The following SPATC1 variants were observed in gnomAD, a reference collection of about 807,000 sequenced individuals.
The protein encoded by SPATC1 is spermatogenesis and centriole associated 1, also known as speriolin.
Under a neutral mutation model 36.5 loss-of-function variants are expected in SPATC1, and 35 were observed. The observed-to-expected ratio is 0.96, with a 90% CI of 0.73 to 1.27. The LOEUF is 1.27. Among genes scored for constraint, SPATC1 ranks in the 50% most tolerant of loss-of-function variants. The pLI is 0.00. For missense variants in SPATC1, 779 were observed against 796.0 expected, an observed-to-expected ratio of 0.98 and a Z score of 0.26; for synonymous variants, 361 against 353.6, an observed-to-expected ratio of 1.02 and a Z score of -0.24.
At chr8:144,028,640 T>G (rs1009320925) in intron 1 of SPATC1, among the ~76,000 whole-genome samples, 327 of 152,242 alleles carry the variant, frequency 2.1e-3, no homozygotes, top group African/African-American at 7.7e-3. Context: ...TGGAAGGGAG[T>G]GTGGCAATTC....
intron 1 of SPATC1, among the ~76,000 whole-genome samples, chr8:144,017,251 G>A (rs889311897): frequency 5.9e-5 from 9 of 152,292 alleles, no homozygotes; most frequent in African/African-American, 1.9e-4. Context: ...ATCTTTCTCT[G>A]GCCACTTCCT....
chr8:144,041,953 T>C, intron 4 of SPATC1: 2 of 985,296 alleles, frequency 2.0e-6, no homozygotes, highest in East Asian at 2.3e-4. Flanking sequence ...GTTAGTTTTG[T>C]GTGTGTGGGA....
chr8:144,025,919 C>T (rs1243705904), intron 1 of SPATC1, among the ~76,000 whole-genome samples: 1 of 152,174 alleles, frequency 6.6e-6, no homozygotes, highest in Non-Finnish European at 1.5e-5. Flanking sequence ...TTTTAAATGA[C>T]AGCTTCACTG....
Position 144,033,438 on chromosome 8 carries a change from A to G in SPATC1, c.212-6471A>G, listed in dbSNP as rs914778955. ...GAAAGAAAGAAAAGTTAAAATGCCT[A>G]TGTTTTCCTCCCAAAATTTAGTAGC... On this transcript the variant is annotated intron_variant, in intron 1 of 4. Coordinates refer to ENST00000377470, the MANE Select transcript of SPATC1 (RefSeq NM_198572.3). Among the ~76,000 whole-genome samples, 4 of 152,160 alleles carry G rather than the reference A, an allele frequency of 2.6e-5. No individual in the cohort carries two copies. The East Asian group carries it at 7.7e-4, about 29-fold the overall frequency.
intron 1 of SPATC1, among the ~76,000 whole-genome samples, chr8:144,036,196 G>A (rs992311914): frequency 1.3e-5 from 2 of 152,150 alleles, no homozygotes; most frequent in Non-Finnish European, 2.9e-5. Flanking sequence ...GATTGCTTGA[G>A]GAGTTTGAGA....
At chr8:144,038,599 C>T (rs1303803570) in intron 1 of SPATC1, among the ~76,000 whole-genome samples, 2 of 151,682 alleles carry the variant, frequency 1.3e-5, no homozygotes, top group Non-Finnish European at 2.9e-5. Context: ...CTCAGCCTCC[C>T]GAGTAGCTGG....
intron 1 of SPATC1, among the ~76,000 whole-genome samples, chr8:144,030,347 G>GTGTA (rs1199255905): frequency 0.01 from 1,575 of 151,844 alleles, 4 homozygotes; most frequent in Non-Finnish European, 0.016. Context: ...CCACATTGCT[G>GTGTA]TGTATGTATG....
At chr8:144,024,778 GA>G (rs1834639478) in intron 1 of SPATC1, among the ~76,000 whole-genome samples, 1 of 101,846 alleles carries the variant, frequency 9.8e-6, no homozygotes, top group Non-Finnish European at 2.1e-5. Flanking sequence ...CTCCCCTCAA[GA>G]CCTACCCTCT....
At chr8:144,015,363 C>T (rs922986269) in intron 1 of SPATC1, among the ~76,000 whole-genome samples, 1 of 150,980 alleles carries the variant, frequency 6.6e-6, no homozygotes, top group African/African-American at 2.4e-5. Flanking sequence ...GGGAGCAGTA[C>T]TGTAAAAAGA....
At position 144,045,119 on chromosome 8, in the gene SPATC1, G is replaced by A. The variant is rs1428585198; in HGVS notation, c.1447-1508G>A. Among the ~76,000 whole-genome samples the A allele has an allele frequency of 2.6e-5, 4 of 152,226 alleles. No homozygotes were observed. Among genetic ancestry groups the A allele is most frequent in the Admixed American group, 2.0e-4 (3 of 15,286 alleles). On this transcript the variant is annotated intron_variant, in intron 4 of 4. Transcript: ENST00000377470. This position sits in a 1 kb window ranked among gnomAD's most constrained non-coding sequence, Gnocchi z 5.2. ...TGTGATTTCCTTCCCATCCCAGCAG[G>A]GAAACTGAGGCTCAGTCCCAGTGTG...
intron 1 of SPATC1, among the ~76,000 whole-genome samples, chr8:144,014,603 G>A (rs1391355431): frequency 2.0e-5 from 3 of 152,090 alleles, no homozygotes; most frequent in Non-Finnish European, 4.4e-5. Flanking sequence ...GGGAATCCTT[G>A]GACCACTTCA....
chr8:144,037,942 A>G (rs554725209), intron 1 of SPATC1, among the ~76,000 whole-genome samples: 1 of 152,068 alleles, frequency 6.6e-6, no homozygotes, highest in African/African-American at 2.4e-5. Flanking sequence ...ATCCTGGCTA[A>G]CACGGTGAAA....
chr8:144,036,361 G>A (rs1261548665), intron 1 of SPATC1, among the ~76,000 whole-genome samples: 3 of 152,164 alleles, frequency 2.0e-5, no homozygotes, highest in African/African-American at 7.2e-5. Flanking sequence ...ATCTCATGCC[G>A]TCACTCAGAC....
At position 144,041,959 on chromosome 8, in the gene SPATC1, T is replaced by G. The variant is rs896109787; in HGVS notation, c.1446+588T>G. 14 of 985,192 alleles carry G rather than the reference T, an allele frequency of 1.4e-5. No individual in the cohort carries two copies. The African/African-American group carries it at 1.9e-4, about 14-fold the overall frequency. 61.0% of individuals were successfully genotyped at this position (985,192 alleles called of 1,614,324 possible). ...CATCCTTGGGTTAGTTTTGTGTGTGTGGGATTTTGTTTGTTTGTTTTCAGA... is the reference window on the plus strand; with the variant it reads ...CATCCTTGGGTTAGTTTTGTGTGTGGGGGATTTTGTTTGTTTGTTTTCAGA... On this transcript the variant is annotated intron_variant, in intron 4 of 4. Coordinates refer to ENST00000377470, the MANE Select transcript of SPATC1 (RefSeq NM_198572.3).
chr8:144,039,616 G>A (rs566016933), intron 1 of SPATC1, among the ~76,000 whole-genome samples: 2 of 152,314 alleles, frequency 1.3e-5, no homozygotes, highest in African/African-American at 4.8e-5. Flanking sequence ...GTGGGCAAGT[G>A]GTCAGAGAAG....
intron 1 of SPATC1, among the ~76,000 whole-genome samples, chr8:144,036,218 G>A (rs948343342): frequency 1.3e-5 from 2 of 152,154 alleles, no homozygotes; most frequent in Non-Finnish European, 2.9e-5. Context: ...CAGCTTGGGC[G>A]ACAGAGTTAG....
chr8:144,014,819 G>A (rs116067965), intron 1 of SPATC1, among the ~76,000 whole-genome samples: 5,322 of 152,276 alleles, frequency 0.035, 339 homozygotes, highest in African/African-American at 0.12. Flanking sequence ...GTGGGTGAAC[G>A]TGTGTGAATG....
At chr8:144,015,799 G>A (rs1834377915) in intron 1 of SPATC1, among the ~76,000 whole-genome samples, 1 of 150,754 alleles carries the variant, frequency 6.6e-6, no homozygotes. Context: ...GGTGGCTCAC[G>A]CCTGTAATCC....
In SPATC1 at chr8:144,043,878, C is replaced by T. The variant is rs146456526; in HGVS notation, c.1446+2507C>T. Reference sequence around the variant, plus strand: ...TGTCCCGAGTGCTGCATAGGAAAGGCCTGGGTGCTGAGCACGGGCACACGC... The same window carrying T: ...TGTCCCGAGTGCTGCATAGGAAAGGTCTGGGTGCTGAGCACGGGCACACGC... On this transcript the variant is annotated intron_variant, in intron 4 of 4. Transcript: ENST00000377470. 9.1e-4 allele frequency among the ~76,000 whole-genome samples: 138 copies of T among 152,258 alleles called. 2 individuals are homozygous for T. In the East Asian group the frequency reaches 0.025, roughly 27 times the overall value.
Sources: gnomAD v4.1 joint callset for allele counts (sites outside exome capture counted in the v4.1 genomes callset) on GRCh38, gnomAD v4.1.1 for gene constraint, Gnocchi (gnomAD v3.1) non-coding constraint, MANE v1.5 for transcripts, NCBI Gene and HGNC (gene_info 2026-07-23, HGNC 2026-07-21) for gene names.